RUNX3: variants seen among roughly 807,000 people sequenced by gnomAD.
RUNX3 encodes runt-related transcription factor 3.
A neutral mutation model predicts 27.7 loss-of-function variants in RUNX3; 10 were observed. The ratio of observed to expected loss-of-function variants is 0.36; its 90% CI spans 0.22 to 0.61. The LOEUF (loss-of-function observed/expected upper bound fraction) is 0.61, where lower values mean the gene tolerates loss of function less well. Among genes scored for constraint, RUNX3 ranks in the 20% least tolerant of loss-of-function variants. RUNX3 has a pLI of 0.72. For missense variants in RUNX3, 469 were observed against 629.5 expected (o/e 0.75, Z 2.73); for synonymous variants, 270 against 269.2 (o/e 1.00, Z -0.03).
In RUNX3 at chr1:24,902,657, T is replaced by C; in HGVS notation, c.713A>G (p.Glu238Gly). 1 of 1,519,204 alleles carries C rather than the reference T, an allele frequency of 6.6e-7. No homozygotes were observed. The allele number at this position is 1,519,204 out of a possible 1,614,324, so 94.1% of individuals were successfully genotyped here. A position where few individuals can be genotyped will look rare whatever the true frequency, so the allele number is the denominator to read the frequency against. Residue 238 changes from glutamate to glycine, a missense_variant, in exon 5 of 5, where the codon GAA becomes GGA. Around this residue, in one of 3 missense-constraint regions of RUNX3, gnomAD observed 279 missense variants for 343.0 expected, o/e 0.81. Transcript: ENST00000308873. This position sits in a 1 kb window ranked among gnomAD's most constrained non-coding sequence, Gnocchi z 9.2. ...GCGGGGGTCGGAGAATGGGTTCAGT[T>C]CCGAGGTGCCTGGAGGACAGCAGGG... ...QPQTPIQGTS[E>G]LNPFSDPRQF...
At chr1:24,909,324 G>A (rs953307833) in intron 3 of RUNX3, among the ~76,000 whole-genome samples, 4 of 152,158 alleles carry the variant, frequency 2.6e-5, no homozygotes, top group African/African-American at 4.8e-5. Flanking sequence ...AGTCCCCACC[G>A]TGACCAGTTT....
chr1:24,912,692 C>T (rs1030046009), intron 3 of RUNX3, among the ~76,000 whole-genome samples: 1 of 151,814 alleles, frequency 6.6e-6, no homozygotes, highest in Non-Finnish European at 1.5e-5. Flanking sequence ...CTGCCACCAT[C>T]CTATCATATG....
Position 24,930,117 on chromosome 1 carries a change from C to G in RUNX3, c.-249G>C. ...AGTCCCGCATCCTCGGCGCGCGGCC[C>G]CGCGTGCGGCCGCCCCTCGTGGCTG... On this transcript the variant is annotated 5_prime_UTR_variant, in exon 1 of 5. Coordinates refer to ENST00000308873, the MANE Select transcript of RUNX3 (RefSeq NM_004350.3). This position sits in a 1 kb window ranked among gnomAD's most constrained non-coding sequence, Gnocchi z 4.1. 1.0e-6 allele frequency: 1 copy of G among 979,516 alleles called. No homozygotes were observed. The highest frequency in any genetic ancestry group is 1.2e-6 in the Non-Finnish European group (1 of 827,642). 60.7% of individuals were successfully genotyped at this position (979,516 alleles called of 1,614,324 possible).
rs200276750 is a variant in RUNX3 at position 24,902,625 on chromosome 1, C to T, written c.745G>A (p.Asp249Asn). The change falls in exon 5 of 5, where the codon GAC (aspartate) becomes AAC (asparagine). Residue 249 changes from aspartate (D) to asparagine (N), a missense_variant. Coordinates refer to ENST00000308873, the MANE Select transcript of RUNX3 (RefSeq NM_004350.3). The surrounding 1 kb of genome is among the most constrained non-coding windows in gnomAD (Gnocchi z 9.2). ...GTTGGCAGCGTGGGGAAGGAGCGGTCAAACTGGCGGGGGTCGGAGAATGGG... is the reference window on the plus strand; with the variant it reads ...GTTGGCAGCGTGGGGAAGGAGCGGTTAAACTGGCGGGGGTCGGAGAATGGG... ...LNPFSDPRQF[D>N]RSFPTLPTLT... 2 of 1,532,840 alleles carry T rather than the reference C, an allele frequency of 1.3e-6. No individual in the cohort carries two copies. Among genetic ancestry groups the T allele is most frequent in the Non-Finnish European group, 1.8e-6 (2 of 1,136,814 alleles). 95.0% of individuals were successfully genotyped at this position (1,532,840 alleles called of 1,614,324 possible).
At chr1:24,944,532 T>C (rs1641558070) in intron 2 of RUNX3, among the ~76,000 whole-genome samples, 1 of 152,114 alleles carries the variant, frequency 6.6e-6, no homozygotes, top group Non-Finnish European at 1.5e-5. Context: ...TTCGCAGATG[T>C]GATGAAGGAT....
chr1:24,903,638 C>T (rs1046313706), intron 4 of RUNX3, among the ~76,000 whole-genome samples: 6 of 152,184 alleles, frequency 3.9e-5, no homozygotes, highest in Non-Finnish European at 4.4e-5. Flanking sequence ...GAAACTGAGG[C>T]CCAGACAGGG....
chr1:24,940,732 CAAAAAA>C (rs34576113), intron 2 of RUNX3, among the ~76,000 whole-genome samples: 2 of 126,596 alleles, frequency 1.6e-5, no homozygotes, highest in Non-Finnish European at 3.4e-5. Context: ...CTGTATCTAC[CAAAAAA>C]AAAAAAAAAA....
At position 24,927,613 on chromosome 1, in the gene RUNX3, T is replaced by C. The variant is rs1198123340; in HGVS notation, c.400A>G (p.Arg134Gly). The stretch of plus-strand genomic sequence containing the variant: ...CCCACGAAGCGAAGGTCGTTGAACC[T>C]GGCCACCTGGTTCTTCATGACGGCC... ...ASAVMKNQVA[R>G]FNDLRFVGRS... Residue 134 changes from arginine to glycine, a missense_variant, in exon 2 of 5, where the codon AGG (arginine) becomes GGG (glycine). Around this residue, in one of 3 missense-constraint regions of RUNX3, gnomAD observed 75 missense variants for 168.5 expected, o/e 0.45. Coordinates refer to ENST00000308873, the MANE Select transcript of RUNX3 (RefSeq NM_004350.3). The surrounding 1 kb of genome is among the most constrained non-coding windows in gnomAD (Gnocchi z 5.0). The C allele has an allele frequency of 5.0e-6, 8 of 1,614,070 alleles. No homozygotes were observed. Among genetic ancestry groups the C allele is most frequent in the Non-Finnish European group, 1.7e-6 (2 of 1,180,038 alleles).
intron 2 of RUNX3, among the ~76,000 whole-genome samples, chr1:24,950,990 G>A (rs189387742): frequency 3.3e-5 from 5 of 152,192 alleles, no homozygotes; most frequent in East Asian, 1.9e-4. Context: ...GGTGGATCAC[G>A]AGGTCAGGAG....
intron 2 of RUNX3, among the ~76,000 whole-genome samples, chr1:24,957,336 TCATC>T (rs72443915): frequency 0.22 from 33,269 of 149,768 alleles, 3,927 homozygotes; most frequent in South Asian, 0.33. Flanking sequence ...ATTCATTCGT[TCATC>T]CATCCATCCA....
chr1:24,931,943 A>G (rs1457802256), upstream of RUNX3, among the ~76,000 whole-genome samples: 1 of 152,230 alleles, frequency 6.6e-6, no homozygotes, highest in Non-Finnish European at 1.5e-5. Flanking sequence ...CACGAGCAGC[A>G]GAACTAGAGG....
intron 2 of RUNX3, among the ~76,000 whole-genome samples, chr1:24,935,910 GA>G (rs143219331): frequency 0.053 from 8,106 of 152,302 alleles, 223 homozygotes; most frequent in African/African-American, 0.071. Context: ...CTCAGAATCT[GA>G]GAAGTTCAAA....
chr1:24,961,399 C>T (rs557965811), intron 2 of RUNX3: 15 of 152,192 alleles, frequency 9.9e-5, no homozygotes, highest in African/African-American at 3.4e-4. Context: ...AGTAGGAGCT[C>T]GGTGATAATT....
chr1:24,915,099 C>A (rs1436294483), intron 3 of RUNX3, among the ~76,000 whole-genome samples: 1 of 152,246 alleles, frequency 6.6e-6, no homozygotes. Flanking sequence ...GCCTGGCAAA[C>A]CAGAGCAAAG....
intron 2 of RUNX3, among the ~76,000 whole-genome samples, chr1:24,922,847 A>C (rs1641026223): frequency 7.1e-6 from 1 of 141,828 alleles, no homozygotes; most frequent in Non-Finnish European, 1.5e-5. Flanking sequence ...AGGCCCTACC[A>C]CTCCCTTTCT....
At chr1:24,910,910 G>A (rs565462210) in intron 3 of RUNX3, among the ~76,000 whole-genome samples, 8 of 152,362 alleles carry the variant, frequency 5.3e-5, no homozygotes, top group South Asian at 2.1e-4. Flanking sequence ...GATGGGGCAA[G>A]TCACGTGAAC....
chr1:24,942,735 A>G (rs1641508373), intron 2 of RUNX3, among the ~76,000 whole-genome samples: 2 of 152,124 alleles, frequency 1.3e-5, no homozygotes, highest in African/African-American at 4.8e-5. Flanking sequence ...TGAGAGCCAG[A>G]TGGGGTGAGC....
At chr1:24,963,394 G>C (rs1642171266) in intron 2 of RUNX3, among the ~76,000 whole-genome samples, 1 of 152,218 alleles carries the variant, frequency 6.6e-6, no homozygotes. Flanking sequence ...CATCTCTGCT[G>C]ACTGCCTCGG....
chr1:24,946,573 T>TC (rs1372074280), intron 2 of RUNX3, among the ~76,000 whole-genome samples: 3 of 151,970 alleles, frequency 2.0e-5, no homozygotes, highest in Non-Finnish European at 4.4e-5. Flanking sequence ...GAAAGCCCAT[T>TC]CCCCCCCTAC....
Sources: allele counts gnomAD v4.1 joint callset (sites outside exome capture counted in the v4.1 genomes callset), GRCh38; gene constraint gnomAD v4.1.1; regional missense constraint gnomAD v4.1.1; non-coding constraint Gnocchi (gnomAD v3.1); transcripts MANE v1.5; gene names NCBI Gene and HGNC (gene_info 2026-07-23, HGNC 2026-07-21).